GRID1: variants seen among roughly 807,000 people sequenced by gnomAD.
GRID1 encodes the protein glutamate ionotropic receptor delta type subunit 1.
GRID1 carries 28 observed loss-of-function variants against 98.0 expected under a neutral mutation model. The observed-to-expected ratio is 0.29, with a 90% CI of 0.21 to 0.39. The LOEUF is 0.39. Among genes scored for constraint, GRID1 ranks in the 10% least tolerant of loss-of-function variants. The pLI, the probability that GRID1 is intolerant of heterozygous loss-of-function variation, is 1.00. For synonymous variants in GRID1, 553 were observed against 538.5 expected (o/e 1.03, Z -0.37); for missense variants, 1,111 against 1,340.5 (o/e 0.83, Z 2.67).
intron 2 of GRID1, among the ~76,000 whole-genome samples, chr10:86,232,211 G>A (rs1453789458): frequency 2.0e-5 from 3 of 152,276 alleles, no homozygotes; most frequent in Non-Finnish European, 2.9e-5. Context: ...GGGCCCCAGG[G>A]GAATAACGCA....
intron 4 of GRID1, among the ~76,000 whole-genome samples, chr10:85,983,276 G>C (rs1320622093): frequency 6.6e-6 from 1 of 152,204 alleles, no homozygotes; most frequent in Non-Finnish European, 1.5e-5. Flanking sequence ...ATAAGATGTA[G>C]TCCAACCAGA....
chr10:86,159,309 A>G (rs921923994), intron 3 of GRID1, among the ~76,000 whole-genome samples: 1 of 152,232 alleles, frequency 6.6e-6, no homozygotes, highest in Non-Finnish European at 1.5e-5. Context: ...TCAGTTAACA[A>G]TGAACGTGGT....
intron 3 of GRID1, among the ~76,000 whole-genome samples, chr10:86,168,429 C>G (rs748436176): frequency 6.6e-6 from 1 of 152,204 alleles, no homozygotes; most frequent in Non-Finnish European, 1.5e-5. Flanking sequence ...CCTGCCCAAG[C>G]TGTGGGCTGT....
intron 8 of GRID1, among the ~76,000 whole-genome samples, chr10:85,751,396 A>G (rs1343911228): frequency 1.3e-5 from 2 of 152,222 alleles, no homozygotes; most frequent in Non-Finnish European, 2.9e-5. Flanking sequence ...TGATATTAGA[A>G]AGAAAGCATC....
chr10:85,645,515 A>C (rs958801991), intron 13 of GRID1: 3 of 152,208 alleles, frequency 2.0e-5, no homozygotes, highest in African/African-American at 4.8e-5. Context: ...TCAAAGTATC[A>C]CTTTGTTAAA....
intron 6 of GRID1, among the ~76,000 whole-genome samples, chr10:85,859,950 A>G (rs137988501): frequency 2.0e-5 from 3 of 152,334 alleles, no homozygotes; most frequent in African/African-American, 7.2e-5. Context: ...CCAGAGCCTG[A>G]TAAACATAAA....
intron 3 of GRID1, among the ~76,000 whole-genome samples, chr10:86,198,645 G>A (rs542454960): frequency 6.6e-6 from 1 of 152,320 alleles, no homozygotes; most frequent in Non-Finnish European, 1.5e-5. Flanking sequence ...GAGAGGTTGA[G>A]TAACTTGCCC....
At chr10:86,040,850 G>T (rs779407608) in intron 4 of GRID1, among the ~76,000 whole-genome samples, 4 of 152,036 alleles carry the variant, frequency 2.6e-5, no homozygotes, top group Non-Finnish European at 5.9e-5. Flanking sequence ...AACATCACAC[G>T]GTACCCCCAA....
rs3057905 is a variant in GRID1, at chr10:85,967,338, G to GAGAAAGAA, written c.727-51107_727-51100dup. On this transcript the variant is annotated intron_variant, in intron 4 of 15. Coordinates refer to ENST00000327946, the MANE Select transcript of GRID1 (RefSeq NM_017551.3). ...TATAGCAACAGCAACACCACCAAAAGAGAAAGAAAGAAAGAAAGAAAGAGA... is the reference window on the plus strand; with the variant it reads ...TATAGCAACAGCAACACCACCAAAAGAGAAAGAAAGAAAGAAAGAAAGAAAGAAAGAGA... Among the ~76,000 whole-genome samples the GAGAAAGAA allele has an allele frequency of 1.3e-3, 195 of 151,554 alleles. 1 individual carries two copies. The highest frequency in any genetic ancestry group is 8.6e-3 in the East Asian group (44 of 5,132).
At chr10:86,116,707 A>C (rs1844586955) in intron 4 of GRID1, among the ~76,000 whole-genome samples, 3 of 152,216 alleles carry the variant, frequency 2.0e-5, no homozygotes, top group Middle Eastern at 3.4e-3. Context: ...AATGCCCCCC[A>C]CCACCACCAT....
At chr10:85,610,613 T>C (rs983591561) in intron 15 of GRID1, among the ~76,000 whole-genome samples, 2 of 152,192 alleles carry the variant, frequency 1.3e-5, no homozygotes, top group Non-Finnish European at 2.9e-5. Flanking sequence ...CTGGGCTGGA[T>C]GTCCTCGGTG....
intron 8 of GRID1, among the ~76,000 whole-genome samples, chr10:85,733,182 A>T (rs189499407): frequency 6.6e-6 from 1 of 152,206 alleles, no homozygotes; most frequent in East Asian, 1.9e-4. Flanking sequence ...CAAATCTGCA[A>T]TAGAAATGAA....
intron 12 of GRID1, among the ~76,000 whole-genome samples, chr10:85,680,577 G>T (rs2132595967): frequency 6.6e-6 from 1 of 152,272 alleles, no homozygotes; most frequent in East Asian, 1.9e-4. Flanking sequence ...ATTTCTCAAA[G>T]AACTAAAAAT....
At chr10:86,023,171 G>A (rs551575547) in intron 4 of GRID1, among the ~76,000 whole-genome samples, 11 of 152,154 alleles carry the variant, frequency 7.2e-5, no homozygotes, top group South Asian at 2.1e-4. Flanking sequence ...GAGGCCCTGC[G>A]GAGGGATGCA....
intron 8 of GRID1, among the ~76,000 whole-genome samples, chr10:85,840,809 C>G (rs1297375308): frequency 2.0e-5 from 3 of 151,970 alleles, no homozygotes; most frequent in Non-Finnish European, 4.4e-5. Context: ...ACAAAGAGAA[C>G]TACAAAACAC....
At chr10:86,079,182 C>G (rs775581921) in intron 4 of GRID1, among the ~76,000 whole-genome samples, 2 of 152,244 alleles carry the variant, frequency 1.3e-5, no homozygotes, top group Non-Finnish European at 2.9e-5. Context: ...AGCCCATTAG[C>G]AGCTCAACAG....
At chr10:86,229,545 T>C (rs1846415164) in intron 2 of GRID1, among the ~76,000 whole-genome samples, 2 of 152,208 alleles carry the variant, frequency 1.3e-5, no homozygotes, top group African/African-American at 2.4e-5. Context: ...GCACCCTCTA[T>C]GAGTTTCAGC....
intron 3 of GRID1, among the ~76,000 whole-genome samples, chr10:86,194,562 G>A (rs1441115573): frequency 1.3e-5 from 2 of 152,150 alleles, no homozygotes; most frequent in African/African-American, 4.8e-5. Context: ...CCTAATGGGT[G>A]CTTGCTTTGT....
intron 4 of GRID1, among the ~76,000 whole-genome samples, chr10:86,095,676 C>A (rs1483882112): frequency 2.6e-5 from 4 of 152,078 alleles, no homozygotes; most frequent in Non-Finnish European, 4.4e-5. Context: ...CTTACTCCTG[C>A]AAGAATGGTC....
Sources: gnomAD v4.1 joint callset for allele counts (sites outside exome capture counted in the v4.1 genomes callset) on GRCh38, gnomAD v4.1.1 for gene constraint, MANE v1.5 for transcripts, NCBI Gene and HGNC (gene_info 2026-07-23, HGNC 2026-07-21) for gene names.